The following NR3C2 variants were observed in gnomAD, a reference collection of about 807,000 sequenced individuals.
NR3C2 encodes the protein nuclear receptor subfamily 3 group C member 2, also known as mineralocorticoid receptor.
In NR3C2, 15 loss-of-function variants were observed where a neutral mutation model predicts 86.4. The ratio of observed to expected loss-of-function variants is 0.17; its 90% CI spans 0.12 to 0.27. The LOEUF (loss-of-function observed/expected upper bound fraction) is 0.27, where lower values mean the gene tolerates loss of function less well. Ranked by LOEUF, NR3C2 falls within the 10% of genes least tolerant of loss-of-function variation. The pLI is 1.00. For missense variants in NR3C2, 960 were observed against 1,195.6 expected (o/e 0.80, Z 2.91); for synonymous variants, 458 against 450.5 (o/e 1.02, Z -0.21).
intron 2 of NR3C2, among the ~76,000 whole-genome samples, chr4:148,381,507 A>T (rs1250845361): frequency 6.6e-6 from 1 of 152,202 alleles, no homozygotes; most frequent in African/African-American, 2.4e-5. Context: ...TTCATTATTA[A>T]TTTAGATACC....
intron 8 of NR3C2, among the ~76,000 whole-genome samples, chr4:148,092,459 G>C: frequency 6.6e-6 from 1 of 152,154 alleles, no homozygotes; most frequent in South Asian, 2.1e-4. Context: ...TGCAACCCTG[G>C]TGTGGGCTGA....
intron 3 of NR3C2, among the ~76,000 whole-genome samples, chr4:148,237,130 A>G (rs551832442): frequency 6.6e-6 from 1 of 152,352 alleles, no homozygotes; most frequent in Non-Finnish European, 1.5e-5. Context: ...ACAGATTACA[A>G]TTCATCAAAT....
intron 2 of NR3C2, among the ~76,000 whole-genome samples, chr4:148,400,784 A>C (rs1748120449): frequency 1.7e-5 from 2 of 121,088 alleles, no homozygotes; most frequent in Admixed American, 8.0e-5. Flanking sequence ...GTCTCAAAAA[A>C]AAAAAAAAAA....
intron 2 of NR3C2, among the ~76,000 whole-genome samples, chr4:148,304,418 A>C (rs1340948774): frequency 7.4e-6 from 1 of 134,808 alleles, no homozygotes; most frequent in African/African-American, 2.8e-5. Flanking sequence ...GATTTACCCC[A>C]GCTTGTTTCA....
rs115414601 is a variant in NR3C2 at position 148,200,598 on chromosome 4, C to T, written c.1898-5736G>A. On this transcript the variant is annotated intron_variant, in intron 3 of 8. Coordinates refer to ENST00000358102, the MANE Select transcript of NR3C2 (RefSeq NM_000901.5). The stretch of plus-strand genomic sequence containing the variant: ...CTTCTGAATCATGGAGTTTGAATCC[C>T]TGTTACTATCTGACTTTAGAGAAGT... Among the ~76,000 whole-genome samples, 936 of 152,302 alleles carry T rather than the reference C, an allele frequency of 6.1e-3. 16 individuals are homozygous for T. Among genetic ancestry groups the T allele is most frequent in the African/African-American group, 0.021 (875 of 41,552 alleles).
intron 2 of NR3C2, among the ~76,000 whole-genome samples, chr4:148,354,572 A>G (rs543269987): frequency 6.6e-6 from 1 of 152,306 alleles, no homozygotes; most frequent in Admixed American, 6.5e-5. Context: ...TATTAACAAA[A>G]TGAATTACAC....
At chr4:148,355,136 T>C (rs568188312) in intron 2 of NR3C2, among the ~76,000 whole-genome samples, 2 of 152,232 alleles carry the variant, frequency 1.3e-5, no homozygotes, top group Non-Finnish European at 2.9e-5. Flanking sequence ...TAAGTGTAAA[T>C]GTTCTATAGT....
At chr4:148,122,717 T>A (rs1249223422) in intron 6 of NR3C2, among the ~76,000 whole-genome samples, 1 of 152,222 alleles carries the variant, frequency 6.6e-6, no homozygotes, top group Non-Finnish European at 1.5e-5. Flanking sequence ...CATTTTAATA[T>A]GGACATTTAT....
upstream of NR3C2, among the ~76,000 whole-genome samples, chr4:148,443,222 C>CAAAAAAAAAAAA (rs59506438): frequency 5.4e-4 from 22 of 40,988 alleles, 2 homozygotes; most frequent in African/African-American, 1.4e-3. Context: ...CCCCTAACAC[C>CAAAAAAAAAAAA]AAAAAAAAAA....
At chr4:148,190,922 C>T (rs1449216358) in intron 4 of NR3C2, among the ~76,000 whole-genome samples, 1 of 152,210 alleles carries the variant, frequency 6.6e-6, no homozygotes, top group Non-Finnish European at 1.5e-5. Flanking sequence ...AGTTCTTATA[C>T]ATTCTGCGGT....
chr4:148,307,234 A>G (rs1046068221), intron 2 of NR3C2, among the ~76,000 whole-genome samples: 2 of 152,144 alleles, frequency 1.3e-5, no homozygotes, highest in Non-Finnish European at 2.9e-5. Flanking sequence ...ACTTAAGATA[A>G]TTTTCTCTGT....
In NR3C2 at chr4:148,140,470, G is replaced by T. The variant is rs142011085; in HGVS notation, c.2510+11999C>A. On this transcript the variant is annotated intron_variant, in intron 6 of 8. Coordinates refer to ENST00000358102, the MANE Select transcript of NR3C2 (RefSeq NM_000901.5). ...GATTGCCTGAGCCCAGGAGATTGAG[G>T]CTGCAGTGAGCCGTTGTGCTACTAC... 1.4e-3 allele frequency among the ~76,000 whole-genome samples: 208 copies of T among 152,320 alleles called. 1 individual carries two copies. Among genetic ancestry groups the T allele is most frequent in the African/African-American group, 4.7e-3 (195 of 41,562 alleles).
At chr4:148,281,376 TG>T (rs754853813) in intron 2 of NR3C2, among the ~76,000 whole-genome samples, 2 of 152,242 alleles carry the variant, frequency 1.3e-5, no homozygotes, top group Non-Finnish European at 2.9e-5. Context: ...TTGAGCGCTA[TG>T]GTTCTAGGAA....
At chr4:148,318,952 A>G (rs1427767567) in intron 2 of NR3C2, among the ~76,000 whole-genome samples, 36 of 151,312 alleles carry the variant, frequency 2.4e-4, no homozygotes, top group Non-Finnish European at 2.9e-5. Flanking sequence ...GTCCTTGCCC[A>G]TGCCTATGTC....
chr4:148,231,571 T>C (rs1482868578), intron 3 of NR3C2, among the ~76,000 whole-genome samples: 1 of 152,210 alleles, frequency 6.6e-6, no homozygotes, highest in Non-Finnish European at 1.5e-5. Context: ...CAGTGAGTAA[T>C]AATCTTTTAG....
intron 2 of NR3C2, among the ~76,000 whole-genome samples, chr4:148,262,769 C>T (rs1324352806): frequency 1.3e-5 from 2 of 152,118 alleles, no homozygotes; most frequent in African/African-American, 4.8e-5. Flanking sequence ...GAGGAGAACA[C>T]CATGTTTAGA....
chr4:148,259,844 A>T, intron 3 of NR3C2, 134 bp downstream of exon 3: 1 of 1,144,708 alleles, frequency 8.7e-7, no homozygotes, highest in East Asian at 2.4e-5. Flanking sequence ...ACAAGGCACT[A>T]TTACTGTTTA....
chr4:148,330,805 T>TAA (rs1002839995), intron 2 of NR3C2, among the ~76,000 whole-genome samples: 5 of 152,286 alleles, frequency 3.3e-5, no homozygotes, highest in Admixed American at 1.3e-4. Flanking sequence ...GATCCCCTCA[T>TAA]AAATGGCTTG....
intron 8 of NR3C2, among the ~76,000 whole-genome samples, chr4:148,103,636 G>A (rs1232455739): frequency 6.6e-6 from 1 of 152,236 alleles, no homozygotes; most frequent in Non-Finnish European, 1.5e-5. Context: ...GAGAGAAACA[G>A]TCACTGAGCA....
Sources: gnomAD v4.1 joint callset for allele counts (sites outside exome capture counted in the v4.1 genomes callset) on GRCh38, gnomAD v4.1.1 for gene constraint, MANE v1.5 for transcripts, NCBI Gene and HGNC (gene_info 2026-07-23, HGNC 2026-07-21) for gene names.